TG: variants seen among roughly 807,000 people sequenced by gnomAD.
TG encodes the protein thyroglobulin.
TG carries 270 observed loss-of-function variants against 324.7 expected under a neutral mutation model. The ratio of observed to expected loss-of-function variants is 0.83; its 90% CI spans 0.75 to 0.92. The LOEUF is 0.92. Ranked by LOEUF, TG falls within the 40% of genes least tolerant of loss-of-function variation. The probability of loss-of-function intolerance (pLI) is 0.00; values close to 1 mark genes in which losing one functional copy is unlikely to be tolerated. For missense variants in TG, 3,591 were observed against 3,456.4 expected (o/e 1.04, Z -0.98); for synonymous variants, 1,401 against 1,327.0 (o/e 1.06, Z -1.21).
intron 41 of TG, chr8:133,046,358 A>T (rs1326226884): frequency 1.3e-5 from 2 of 152,282 alleles, no homozygotes; most frequent in Non-Finnish European, 2.9e-5. Flanking sequence ...CCCCTATGGG[A>T]TATGGCCAGA....
At chr8:132,931,265 G>T (rs1822678469) in intron 23 of TG, among the ~76,000 whole-genome samples, 1 of 152,190 alleles carries the variant, frequency 6.6e-6, no homozygotes, top group Non-Finnish European at 1.5e-5. Context: ...ATCTCATTAT[G>T]CACTTAATTT....
rs1587856549 is a variant in TG, at chr8:133,044,250, G to A, written c.7239+14227G>A. Among the ~76,000 whole-genome samples the A allele has an allele frequency of 3.9e-5, 6 of 152,106 alleles. No homozygotes were observed. The South Asian group carries it at 1.3e-3, about 32-fold the overall frequency. ...GTTCCGATTCCTGAGCTGACATTTG[G>A]GCCTTTCACAGTATAACTCAACTTT... is the stretch of plus-strand genomic sequence containing the variant. On this transcript the variant is annotated intron_variant, in intron 41 of 47. Transcript: ENST00000220616.
intron 35 of TG, among the ~76,000 whole-genome samples, chr8:132,998,767 G>T (rs905390828): frequency 1.3e-5 from 2 of 152,244 alleles, no homozygotes; most frequent in African/African-American, 2.4e-5. Flanking sequence ...TGGTGATGGA[G>T]TTCAATGCCT....
chr8:133,083,914 C>G (rs1183006114), intron 41 of TG, among the ~76,000 whole-genome samples: 3 of 152,302 alleles, frequency 2.0e-5, no homozygotes, highest in Admixed American at 1.3e-4. Flanking sequence ...TGGCTCCCCT[C>G]TCTCTGCATG....
Position 133,074,977 on chromosome 8 carries a change from G to T in TG, c.7240-20067G>T. On this transcript the variant is annotated intron_variant, in intron 41 of 47. Transcript: ENST00000220616. ...ATAAACAGGCAGCCGGGCTTCTCGC[G>T]GTTGTGGAGAAGCAGCCCATGCTAC... The T allele has an allele frequency of 3.0e-6, 3 of 985,478 alleles. No individual in the cohort carries two copies. The South Asian group carries it at 1.4e-4, about 46-fold the overall frequency. The allele number at this position is 985,478 out of a possible 1,614,324, so 61.0% of individuals were successfully genotyped here.
rs543907111 is a variant in TG, at chr8:133,038,560, G to C, written c.7239+8537G>C. The C allele has an allele frequency of 4.3e-6, 7 of 1,613,902 alleles. No individual in the cohort carries two copies. In the South Asian group the frequency reaches 7.7e-5, roughly 18 times the overall value. Reference sequence around the variant, plus strand: ...AGTAAGGTGGTGATGAGAAGAATGAGCTCTTTCTCTTGCTGCCACCATACA... The same window carrying C: ...AGTAAGGTGGTGATGAGAAGAATGACCTCTTTCTCTTGCTGCCACCATACA... On this transcript the variant is annotated intron_variant, in intron 41 of 47. Transcript: ENST00000220616.
At position 132,906,764 on chromosome 8, in the gene TG, C is replaced by A. The variant is rs748351604; in HGVS notation, c.3711C>A (p.Pro1237=). 26 of 1,614,110 alleles carry A rather than the reference C, an allele frequency of 1.6e-5. No individual in the cohort carries two copies. Among genetic ancestry groups the A allele is most frequent in the Middle Eastern group, 1.6e-4 (1 of 6,082 alleles). The part of the protein sequence containing the change: ...GTILCETISG[P]TGSAMQQCQL... ...TCCTGTGTGAGACAATCTCGGGCCC[C>A]ACAGGCTCTGCCATGCAGCAGTGCC... The change falls in exon 17 of 48, where the codon CCC becomes CCA. Residue 1237 remains proline (P), a synonymous_variant. Coordinates refer to ENST00000220616, the MANE Select transcript of TG (RefSeq NM_003235.5).
At chr8:132,869,919 G>C (rs531415283) in intron 3 of TG, 93 bp downstream of exon 3, 14 of 1,120,698 alleles carry the variant, frequency 1.2e-5, no homozygotes, top group Non-Finnish European at 1.8e-5. Context: ...TGACTGAGCA[G>C]GTCCTCCCTC....
intron 12 of TG, among the ~76,000 whole-genome samples, 171 bp from the exon 13 acceptor site, chr8:132,897,998 G>T (rs1176060463): frequency 6.6e-6 from 1 of 152,222 alleles, no homozygotes; most frequent in Non-Finnish European, 1.5e-5. Flanking sequence ...GTGGGTGGTT[G>T]CTGGGGGCAT....
chr8:132,895,348 G>A (rs949337348), intron 11 of TG, among the ~76,000 whole-genome samples: 2 of 152,206 alleles, frequency 1.3e-5, no homozygotes, highest in Non-Finnish European at 2.9e-5. Flanking sequence ...TCCCATCCAC[G>A]CCAGCAGGCA....
Position 132,888,061 on chromosome 8 carries a change from C to T in TG, c.2254C>T (p.Leu752=), listed in dbSNP as rs562863121. The T allele has an allele frequency of 6.2e-7, 1 of 1,614,156 alleles. No individual in the cohort carries two copies. The highest frequency in any genetic ancestry group is 1.3e-5 in the African/African-American group (1 of 75,032). ...VQALLSNSSM[L]PTLSDTYIPQ... ...GGCCCTGCTCTCTAACTCCAGCATG[C>T]TACCCACCCTTTCCGACACCTACAT... The change falls in exon 10 of 48, where the codon CTA becomes TTA. Residue 752 remains leucine (L), a synonymous_variant. Transcript: ENST00000220616.
rs530062705 is a variant in TG at position 132,888,364 on chromosome 8, A to T, written c.2557A>T (p.Lys853Ter). ...TGTCCCACTAGCAGCACTGGAAGGGAAACGGCCCCAGCCCAGGGAGAATAT... is the reference window on the plus strand; with the variant it reads ...TGTCCCACTAGCAGCACTGGAAGGGTAACGGCCCCAGCCCAGGGAGAATAT... ...QDVPLAALEG[K>*]RPQPRENILL... Residue 853 changes from lysine to a stop codon, truncating the protein, a stop_gained, in exon 10 of 48, where the codon AAA becomes TAA. Coordinates refer to ENST00000220616, the MANE Select transcript of TG (RefSeq NM_003235.5). LOFTEE classifies it high-confidence loss of function. The T allele has an allele frequency of 6.2e-7, 1 of 1,614,200 alleles. No individual in the cohort carries two copies. Among genetic ancestry groups the T allele is most frequent in the African/African-American group, 1.3e-5 (1 of 75,044 alleles).
At chr8:132,917,341 T>C (rs1820484389) in intron 20 of TG, among the ~76,000 whole-genome samples, 1 of 151,970 alleles carries the variant, frequency 6.6e-6, no homozygotes, top group Non-Finnish European at 1.5e-5. Context: ...GAGGAATCGT[T>C]GCTCAGACAA....
chr8:133,024,137 A>G (rs1330442992), intron 40 of TG, among the ~76,000 whole-genome samples: 1 of 152,246 alleles, frequency 6.6e-6, no homozygotes, highest in Non-Finnish European at 1.5e-5. Flanking sequence ...GAGGAATGTT[A>G]TCGCCACAGT....
intron 40 of TG, among the ~76,000 whole-genome samples, chr8:133,022,677 C>A (rs1451635655): frequency 6.6e-6 from 1 of 152,170 alleles, no homozygotes; most frequent in Non-Finnish European, 1.5e-5. Flanking sequence ...CTGTTGATCA[C>A]CCCATCTATG....
intron 35 of TG, among the ~76,000 whole-genome samples, chr8:133,003,760 T>C (rs1338853604): frequency 6.6e-6 from 1 of 152,168 alleles, no homozygotes; most frequent in Non-Finnish European, 1.5e-5. Context: ...GCCTCTTTGC[T>C]GCCCCCATCA....
intron 21 of TG, among the ~76,000 whole-genome samples, chr8:132,919,854 A>G (rs1402685050): frequency 1.3e-5 from 2 of 152,154 alleles, no homozygotes; most frequent in Admixed American, 6.5e-5. Context: ...ATACTTACCT[A>G]CTGCTAGGCC....
At chr8:133,049,976 C>T in intron 41 of TG, 2 of 1,612,268 alleles carry the variant, frequency 1.2e-6, no homozygotes, top group Non-Finnish European at 1.7e-6. Flanking sequence ...TAGCTTTCCA[C>T]CAGCCCCCTT....
intron 16 of TG, among the ~76,000 whole-genome samples, chr8:132,905,099 G>A (rs1563935432): frequency 6.6e-6 from 1 of 152,118 alleles, no homozygotes; most frequent in Non-Finnish European, 1.5e-5. Flanking sequence ...TGGTGTACCT[G>A]GCACATACTA....
Sources: gnomAD v4.1 joint callset for allele counts (sites outside exome capture counted in the v4.1 genomes callset) on GRCh38, gnomAD v4.1.1 for gene constraint, MANE v1.5 for transcripts, NCBI Gene and HGNC (gene_info 2026-07-23, HGNC 2026-07-21) for gene names.